Variants in ARAP1 observed in about 807,000 individuals in gnomAD.
ARAP1 encodes arf-GAP with Rho-GAP domain, ANK repeat and PH domain-containing protein 1.
In ARAP1, 76 loss-of-function variants were observed where a neutral mutation model predicts 172.2. The observed-to-expected ratio is 0.44, with a 90% CI of 0.37 to 0.53. The LOEUF (loss-of-function observed/expected upper bound fraction) is 0.53. Among genes scored for constraint, ARAP1 ranks in the 20% least tolerant of loss-of-function variants. The pLI, the probability that ARAP1 is intolerant of heterozygous loss-of-function variation, is 0.00. For missense variants in ARAP1, 1,686 were observed against 1,977.5 expected (o/e 0.85, Z 2.80); for synonymous variants, 804 against 803.3 (o/e 1.00, Z -0.01).
intron 4 of ARAP1, among the ~76,000 whole-genome samples, chr11:72,713,844 C>G (rs1857151023): frequency 7.6e-6 from 1 of 131,724 alleles, no homozygotes; most frequent in Admixed American, 8.2e-5. Context: ...GAGACTCCAT[C>G]TCAAAAAAAA....
intron 11 of ARAP1, 38 bp from the exon 12 acceptor site, chr11:72,707,412 C>T (rs772397198): frequency 1.1e-5 from 18 of 1,569,608 alleles, no homozygotes; most frequent in Non-Finnish European, 1.5e-5. Flanking sequence ...TGGGGATGGA[C>T]TCAGAGGGAT....
Position 72,714,329 on chromosome 11 carries a change from C to T in ARAP1, c.510-8G>A. The T allele has an allele frequency of 1.9e-6, 3 of 1,546,442 alleles. No individual in the cohort carries two copies. The East Asian group carries it at 7.4e-5, about 38-fold the overall frequency. On this transcript the variant is annotated splice_region_variant and splice_polypyrimidine_tract_variant and intron_variant, in intron 3 of 34. Transcript: ENST00000393609. The stretch of plus-strand genomic sequence containing the variant: ...TCCTCCTTAGTGGGCAGGCTGGGAA[C>T]ACAACAAAAGTTGGGCATCACTAAG...
In ARAP1 at chr11:72,703,071, A is replaced by C; in HGVS notation, c.2001T>G (p.Cys667Trp). The C allele has an allele frequency of 6.3e-7, 1 of 1,578,432 alleles. No individual in the cohort carries two copies. The highest frequency in any genetic ancestry group is 8.6e-7 in the Non-Finnish European group (1 of 1,164,190). Reference sequence around the variant, plus strand: ...CCAGGTCTGTGGTGGTGACTGCAGCACACAGGGCCTAGGAAGAGGCAGGGG... The same window carrying C: ...CCAGGTCTGTGGTGGTGACTGCAGCCCACAGGGCCTAGGAAGAGGCAGGGG... ...GNQEELDKAL[C>W]AAVTTTDLAE... Residue 667 changes from cysteine (C) to tryptophan (W), a missense_variant, in exon 15 of 35, where the codon TGT (cysteine) becomes TGG (tryptophan). By Grantham distance (215) the Cys-to-Trp change is radical (BLOSUM62 -2). Coordinates refer to ENST00000393609, the MANE Select transcript of ARAP1 (RefSeq NM_001040118.3).
chr11:72,733,763 C>A (rs1390752440), intron 1 of ARAP1, among the ~76,000 whole-genome samples: 1 of 152,216 alleles, frequency 6.6e-6, no homozygotes, highest in South Asian at 2.1e-4. Flanking sequence ...CTTAAGCAAA[C>A]TCCATGATTA....
chr11:72,750,543 C>T (rs1407584246), intron 1 of ARAP1, among the ~76,000 whole-genome samples: 5 of 151,794 alleles, frequency 3.3e-5, no homozygotes, highest in Non-Finnish European at 5.9e-5. Context: ...TTCTTTCATT[C>T]AAACTCTCAA....
intron 30 of ARAP1, among the ~76,000 whole-genome samples, chr11:72,691,842 C>A (rs148386193): frequency 1.3e-5 from 2 of 152,222 alleles, no homozygotes; most frequent in Non-Finnish European, 2.9e-5. Context: ...AACAATTTTT[C>A]CATGGGTGGG....
At position 72,712,256 on chromosome 11, in the gene ARAP1, C is replaced by T. The variant is rs913105721; in HGVS notation, c.962G>A (p.Gly321Asp). 5.6e-6 allele frequency: 9 copies of T among 1,604,400 alleles called. No individual in the cohort carries two copies. The highest frequency in any genetic ancestry group is 1.3e-5 in the African/African-American group (1 of 74,654). ...GATGACTGGTGTGACGGGGGTGGAG[C>T]CCCCAGGCGGCCCGTCCATGGGGTG... The part of the protein sequence containing the change: ...APHPMDGPPG[G>D]STPVTPVIKA... Residue 321 changes from glycine (G) to aspartate (D), a missense_variant, in exon 7 of 35, where the codon GGC (glycine) becomes GAC (aspartate). This residue lies in a region of ARAP1 where 688 missense variants were observed against 856.9 expected (regional missense o/e 0.80). Transcript: ENST00000393609.
intron 11 of ARAP1, among the ~76,000 whole-genome samples, chr11:72,709,344 T>C (rs1856906586): frequency 6.6e-6 from 1 of 152,198 alleles, no homozygotes; most frequent in Non-Finnish European, 1.5e-5. Flanking sequence ...AGCTAGTCAG[T>C]GGTGGACCCA....
Position 72,726,590 on chromosome 11 carries a change from C to T in ARAP1, c.509+30G>A, listed in dbSNP as rs776735191. 28 of 1,467,990 alleles carry T rather than the reference C, an allele frequency of 1.9e-5. No individual in the cohort carries two copies. Among genetic ancestry groups the T allele is most frequent in the East Asian group, 4.9e-5 (2 of 40,776 alleles). 90.9% of individuals were successfully genotyped at this position (1,467,990 alleles called of 1,614,324 possible). ...TACCCTCTGGGATCCTCTGCCTGTG[C>T]GCCTCCCACCCTGGGTGGCATCCAC... On this transcript the variant is annotated intron_variant, in intron 3 of 34. Coordinates refer to ENST00000393609, the MANE Select transcript of ARAP1 (RefSeq NM_001040118.3). The surrounding 1 kb of genome is among the most constrained non-coding windows in gnomAD (Gnocchi z 6.5).
At chr11:72,703,256 C>A (rs1856581962) in intron 14 of ARAP1, 177 bp from the exon 15 acceptor site, 2 of 699,466 alleles carry the variant, frequency 2.9e-6, no homozygotes, top group Non-Finnish European at 4.5e-6. Context: ...AAGAGAGAGG[C>A]CAAGGGGAGG....
In ARAP1 at chr11:72,693,878, A is replaced by T. The variant is rs1856050721; in HGVS notation, c.3695-73T>A. On this transcript the variant is annotated intron_variant, in intron 27 of 34. Coordinates refer to ENST00000393609, the MANE Select transcript of ARAP1 (RefSeq NM_001040118.3). The surrounding 1 kb of genome is among the most constrained non-coding windows in gnomAD (Gnocchi z 4.6). ...CCACCAAAGGCTGGCAGATGGGCACATATCACCTACACATCCCCTGTCCAC... is the reference window on the plus strand; with the variant it reads ...CCACCAAAGGCTGGCAGATGGGCACTTATCACCTACACATCCCCTGTCCAC... 14 of 1,245,954 alleles carry T rather than the reference A, an allele frequency of 1.1e-5. No homozygotes were observed. The South Asian group carries it at 1.8e-4, about 16-fold the overall frequency. 77.2% of individuals were successfully genotyped at this position (1,245,954 alleles called of 1,614,324 possible).
At chr11:72,714,021 C>T (rs1414451756) in intron 4 of ARAP1, 131 bp downstream of exon 4, 8 of 1,059,486 alleles carry the variant, frequency 7.6e-6, no homozygotes, top group Admixed American at 7.9e-5. Context: ...GTGACCTGCC[C>T]GGGGCCACAC....
intron 5 of ARAP1, 143 bp downstream of exon 5, chr11:72,713,033 A>C: frequency 2.3e-6 from 2 of 875,816 alleles, no homozygotes; most frequent in South Asian, 3.2e-5. Flanking sequence ...TGACCCCCGT[A>C]TGGCAAGAGA....
At chr11:72,723,421 G>A (rs1221994938) in intron 3 of ARAP1, among the ~76,000 whole-genome samples, 4 of 152,124 alleles carry the variant, frequency 2.6e-5, no homozygotes, top group African/African-American at 9.7e-5. Flanking sequence ...TGAGAGTCCT[G>A]GGCCATGCCA....
intron 1 of ARAP1, among the ~76,000 whole-genome samples, chr11:72,733,920 T>C (rs910721627): frequency 6.6e-6 from 1 of 152,114 alleles, no homozygotes; most frequent in East Asian, 1.9e-4. Flanking sequence ...ACCTCCCAAG[T>C]TCAAGCACGA....
chr11:72,716,478 C>T (rs1333107516), intron 3 of ARAP1, among the ~76,000 whole-genome samples: 1 of 152,266 alleles, frequency 6.6e-6, no homozygotes, highest in African/African-American at 2.4e-5. Context: ...CTGCCTTTGG[C>T]AGCATGGCCT....
chr11:72,685,543 T>G lies in ARAP1; in HGVS notation c.*121A>C, dbSNP rs1235916880. 51 of 1,369,484 alleles carry G rather than the reference T, an allele frequency of 3.7e-5. No individual in the cohort carries two copies. Among genetic ancestry groups the G allele is most frequent in the Non-Finnish European group, 5.2e-5 (50 of 962,808 alleles). The allele number at this position is 1,369,484 out of a possible 1,614,324, so 84.8% of individuals were successfully genotyped here. On this transcript the variant is annotated 3_prime_UTR_variant, in exon 35 of 35. Coordinates refer to ENST00000393609, the MANE Select transcript of ARAP1 (RefSeq NM_001040118.3). The stretch of plus-strand genomic sequence containing the variant: ...CTGCAGTCAGGATGGAGGATGTGGG[T>G]TGTGGGGTGCAGTTTCCCATGCACC...
In ARAP1 at chr11:72,693,725, G is replaced by A. The variant is rs1835024712; in HGVS notation, c.3775C>T (p.His1259Tyr). The change falls in exon 28 of 35, where the codon CAC becomes TAC. Residue 1259 changes from histidine (H) to tyrosine (Y), a missense_variant. Physicochemically the swap from His to Tyr is moderately conservative, Grantham distance 83. Transcript: ENST00000393609. The surrounding 1 kb of genome is among the most constrained non-coding windows in gnomAD (Gnocchi z 4.6). Reference sequence around the variant, plus strand: ...AGCAGCATGGCCTCCATGGCCTGGTGCTTCTTCACCACCAGGTGGCTGTCC... The same window carrying A: ...AGCAGCATGGCCTCCATGGCCTGGTACTTCTTCACCACCAGGTGGCTGTCC... Reference protein sequence around the residue: ...GTDSHLVVKKHQAMEAMLLYL... With the variant: ...GTDSHLVVKKYQAMEAMLLYL... 1.2e-6 allele frequency: 2 copies of A among 1,610,278 alleles called. No individual in the cohort carries two copies. The highest frequency in any genetic ancestry group is 2.2e-5 in the East Asian group (1 of 44,694).
intron 2 of ARAP1, among the ~76,000 whole-genome samples, chr11:72,731,444 G>A (rs1857866523): frequency 6.6e-6 from 1 of 152,108 alleles, no homozygotes; most frequent in Non-Finnish European, 1.5e-5. Flanking sequence ...CTTCTCTCTT[G>A]CTTCCTCCCT....
Sources: gnomAD v4.1 joint callset for allele counts (sites outside exome capture counted in the v4.1 genomes callset) on GRCh38, gnomAD v4.1.1 for gene constraint, gnomAD v4.1.1 regional missense constraint, Gnocchi (gnomAD v3.1) non-coding constraint, MANE v1.5 for transcripts, NCBI Gene and HGNC (gene_info 2026-07-23, HGNC 2026-07-21) for gene names.